The following CEP55 variants were observed in gnomAD, a reference collection of about 807,000 sequenced individuals.
CEP55 encodes centrosomal protein of 55 kDa.
Under a neutral mutation model 63.2 loss-of-function variants are expected in CEP55, and 57 were observed. The observed-to-expected ratio is 0.90, with a 90% CI of 0.73 to 1.13. CEP55 has a LOEUF of 1.13. Ranked by LOEUF, CEP55 falls within the 50% of genes most tolerant of loss-of-function variation. The pLI is 0.00. For synonymous variants in CEP55, 178 were observed against 191.6 expected (o/e 0.93, Z 0.59); for missense variants, 456 against 518.9 (o/e 0.88, Z 1.18).
chr10:93,502,557 A>G (rs891621046), intron 2 of CEP55, among the ~76,000 whole-genome samples: 18 of 152,202 alleles, frequency 1.2e-4, no homozygotes, highest in African/African-American at 4.1e-4. Context: ...TTACTTATGT[A>G]TATCTTGTGA....
chr10:93,526,330 A>G (rs1353582722), intron 8 of CEP55, among the ~76,000 whole-genome samples: 30 of 152,258 alleles, frequency 2.0e-4, no homozygotes, highest in South Asian at 2.1e-4. Context: ...GACACATGAA[A>G]AAAATGCTCA....
In CEP55 at chr10:93,503,414, AT is replaced by A. The variant is rs201170622; in HGVS notation, c.459+36del. 412 of 1,503,926 alleles carry A rather than the reference AT, an allele frequency of 2.7e-4. 1 individual carries two copies. Among genetic ancestry groups the A allele is most frequent in the East Asian group, 8.8e-4 (37 of 41,876 alleles). 93.2% of individuals were successfully genotyped at this position (1,503,926 alleles called of 1,614,324 possible). On this transcript the variant is annotated intron_variant, in intron 3 of 8. Transcript: ENST00000371485. The stretch of plus-strand genomic sequence containing the variant: ...GTGCTAATCATTTCTTTAAACCCAG[AT>A]TTTTTTTTTCTTTCTGATACAGTTT...
chr10:93,503,762 G>C (rs73323497), intron 3 of CEP55, among the ~76,000 whole-genome samples: 1,935 of 152,110 alleles, frequency 0.013, 45 homozygotes, highest in African/African-American at 0.044. Context: ...ATAATATCAA[G>C]TATACTTTTC....
Position 93,506,718 on chromosome 10 carries a change from C to T in CEP55, c.460-270C>T, listed in dbSNP as rs116690166. ...GTGTAGCTGGGATTATAGGCACAGGCCACCAGGCTCAGCTAATTTTTCTTT... is the reference window on the plus strand; with the variant it reads ...GTGTAGCTGGGATTATAGGCACAGGTCACCAGGCTCAGCTAATTTTTCTTT... On this transcript the variant is annotated intron_variant, in intron 3 of 8. Transcript: ENST00000371485. Among the ~76,000 whole-genome samples the T allele has an allele frequency of 7.6e-3, 1,165 of 152,306 alleles. 12 individuals carry two copies. Among genetic ancestry groups the T allele is most frequent in the African/African-American group, 0.026 (1,100 of 41,558 alleles).
Position 93,506,285 on chromosome 10 carries a change from A to T in CEP55, c.460-703A>T, listed in dbSNP as rs534460119. ...ATACAAAACATGATTCTAGAAAAAA[A>T]ATTTTACCTTTTGTTTGACAATTTA... On this transcript the variant is annotated intron_variant, in intron 3 of 8. Transcript: ENST00000371485. 2.6e-5 allele frequency among the ~76,000 whole-genome samples: 4 copies of T among 152,252 alleles called. No individual in the cohort carries two copies. The South Asian group carries it at 6.2e-4, about 24-fold the overall frequency.
intron 8 of CEP55, among the ~76,000 whole-genome samples, chr10:93,525,972 A>G (rs1365753054): frequency 6.6e-6 from 1 of 152,228 alleles, no homozygotes; most frequent in African/African-American, 2.4e-5. Flanking sequence ...TAGACCTAAA[A>G]CCATAAAAAC....
intron 2 of CEP55, among the ~76,000 whole-genome samples, chr10:93,502,002 G>A (rs1271425826): frequency 1.3e-5 from 2 of 152,242 alleles, no homozygotes; most frequent in East Asian, 3.9e-4. Context: ...GCCTATTAAA[G>A]TTACACAGAA....
intron 4 of CEP55, among the ~76,000 whole-genome samples, chr10:93,510,291 T>G (rs991401799): frequency 1.4e-4 from 21 of 152,250 alleles, no homozygotes; most frequent in Admixed American, 1.3e-4. Context: ...ATCCGAATTT[T>G]AAGCATAGAA....
chr10:93,516,899 A>G, intron 5 of CEP55, 36 bp from the exon 6 acceptor site: 1 of 1,357,464 alleles, frequency 7.4e-7, no homozygotes, highest in East Asian at 2.3e-5. Context: ...TATTTATTTT[A>G]TAAAGTGAGT....
At chr10:93,525,204 C>G (rs1347215829) in intron 8 of CEP55, among the ~76,000 whole-genome samples, 1 of 151,942 alleles carries the variant, frequency 6.6e-6, no homozygotes, top group Non-Finnish European at 1.5e-5. Context: ...TCATCTCAGC[C>G]CAAAATCTCC....
chr10:93,498,785 G>T (rs1394740940), intron 1 of CEP55, among the ~76,000 whole-genome samples: 1 of 149,790 alleles, frequency 6.7e-6, no homozygotes, highest in Non-Finnish European at 1.5e-5. Context: ...TACACTGAAA[G>T]CCCCATAACA....
chr10:93,503,625 G>A (rs973450920), intron 3 of CEP55, among the ~76,000 whole-genome samples: 4 of 152,090 alleles, frequency 2.6e-5, no homozygotes, highest in African/African-American at 9.7e-5. Context: ...GGAATATTCA[G>A]AAGACAGCAT....
intron 7 of CEP55, 43 bp from the exon 8 acceptor site, chr10:93,519,639 A>G (rs781381521): frequency 6.3e-7 from 1 of 1,598,884 alleles, no homozygotes; most frequent in South Asian, 1.1e-5. Context: ...AGAACTAGAC[A>G]GTCTGTATCA....
At chr10:93,527,919 CA>C (rs750203604) in intron 8 of CEP55, 30 bp from the exon 9 acceptor site, 1 of 1,565,122 alleles carries the variant, frequency 6.4e-7, no homozygotes, top group East Asian at 2.2e-5. Context: ...GCCCTATTTA[CA>C]AATTCTATTA....
At chr10:93,527,185 GA>G (rs922738141) in intron 8 of CEP55, among the ~76,000 whole-genome samples, 2 of 151,472 alleles carry the variant, frequency 1.3e-5, no homozygotes, top group African/African-American at 4.9e-5. Flanking sequence ...CAAGTTCTTA[GA>G]AAAAAAACAC....
intron 3 of CEP55, 122 bp from the exon 4 acceptor site, chr10:93,506,866 G>A: frequency 1.3e-6 from 1 of 748,218 alleles, no homozygotes; most frequent in Non-Finnish European, 2.4e-6. Context: ...GAGCCACCGT[G>A]CCCAGCCTAG....
Position 93,520,560 on chromosome 10 carries a change from C to A in CEP55, c.1191+753C>A, listed in dbSNP as rs73325423. The stretch of plus-strand genomic sequence containing the variant: ...AAAACATAATCTTTTAAAACATGAA[C>A]CTTTTAAATAATATTGTTTCTATGA... On this transcript the variant is annotated intron_variant, in intron 8 of 8. Transcript: ENST00000371485. 5.9e-3 allele frequency among the ~76,000 whole-genome samples: 897 copies of A among 151,818 alleles called. 9 individuals carry two copies. Among genetic ancestry groups the A allele is most frequent in the African/African-American group, 0.02 (844 of 41,386 alleles).
chr10:93,509,313 T>C (rs945369841), intron 4 of CEP55, among the ~76,000 whole-genome samples: 16 of 152,230 alleles, frequency 1.1e-4, no homozygotes, highest in African/African-American at 3.6e-4. Flanking sequence ...GGGTAAAATT[T>C]AACCCAACTC....
chr10:93,509,442 T>G (rs957184814), intron 4 of CEP55, among the ~76,000 whole-genome samples: 2 of 150,054 alleles, frequency 1.3e-5, no homozygotes, highest in Non-Finnish European at 3.0e-5. Flanking sequence ...CTGCTGGCCC[T>G]TGGACCACGC....
Sources: gnomAD v4.1 joint callset for allele counts (sites outside exome capture counted in the v4.1 genomes callset) on GRCh38, gnomAD v4.1.1 for gene constraint, MANE v1.5 for transcripts, NCBI Gene and HGNC (gene_info 2026-07-23, HGNC 2026-07-21) for gene names.